The following VRK2 variants were observed in gnomAD, a reference collection of about 807,000 sequenced individuals.
VRK2 encodes serine/threonine-protein kinase VRK2.
Under a neutral mutation model 57.6 loss-of-function variants are expected in VRK2, and 60 were observed. The observed-to-expected ratio is 1.04, with a 90% CI of 0.85 to 1.29. The LOEUF (loss-of-function observed/expected upper bound fraction) is 1.29, where lower values mean the gene tolerates loss of function less well. VRK2 is among the 50% of genes most tolerant of loss of function. The pLI is 0.00. For synonymous variants in VRK2, 231 were observed against 199.2 expected (o/e 1.16, Z -1.35); for missense variants, 705 against 588.1 (o/e 1.20, Z -2.06).
chr2:57,983,997 C>G (rs911213913), intron 1 of VRK2, among the ~76,000 whole-genome samples: 5 of 152,052 alleles, frequency 3.3e-5, no homozygotes, highest in Admixed American at 1.3e-4. Flanking sequence ...CACTGGGGTT[C>G]CCATATACTT....
At position 58,131,795 on chromosome 2, in the gene VRK2, C is replaced by A. The variant is rs767549791; in HGVS notation, c.677-13C>A. On this transcript the variant is annotated splice_polypyrimidine_tract_variant and intron_variant, in intron 8 of 12. Transcript: ENST00000340157. ...TTATCCCTTATCTTTCTCTCTAATG[C>A]TTACTCCTATAGCCTTGTCCAGACG... 13 of 1,596,058 alleles carry A rather than the reference C, an allele frequency of 8.1e-6. No individual in the cohort carries two copies. The Admixed American group carries it at 1.3e-4, about 16-fold the overall frequency.
intron 8 of VRK2, among the ~76,000 whole-genome samples, chr2:58,127,150 T>A (rs73944812): frequency 0.025 from 3,879 of 152,236 alleles, 161 homozygotes; most frequent in African/African-American, 0.089. Flanking sequence ...TACTTTTTTT[T>A]AATTTTTGCC....
Position 58,088,421 on chromosome 2 carries a change from C to G in VRK2, c.425C>G (p.Thr142Ser), listed in dbSNP as rs752154121. 6.2e-7 allele frequency: 1 copy of G among 1,612,624 alleles called. No homozygotes were observed. Among genetic ancestry groups the G allele is most frequent in the African/African-American group, 1.3e-5 (1 of 74,886 alleles). Residue 142 changes from threonine (T) to serine (S), a missense_variant, in exon 6 of 13, where the codon ACT (threonine) becomes AGT (serine). By Grantham distance (58) the Thr-to-Ser change is moderately conservative (BLOSUM62 1). Coordinates refer to ENST00000340157, the MANE Select transcript of VRK2 (RefSeq NM_006296.7). ...CAGAATGGTACCTTTAAAAAGTCAA[C>G]TGTCCTGCAATTAGGTATCCGAATG... ...SGQNGTFKKS[T>S]VLQLGIRMLD...
At chr2:57,991,409 C>T (rs1397937880) in intron 1 of VRK2, among the ~76,000 whole-genome samples, 1 of 151,124 alleles carries the variant, frequency 6.6e-6, no homozygotes, top group East Asian at 1.9e-4. Flanking sequence ...GGTGGAGGCA[C>T]TGTCGTGAAG....
intron 1 of VRK2, among the ~76,000 whole-genome samples, chr2:57,950,326 C>T (rs1158135230): frequency 5.3e-5 from 8 of 152,210 alleles, no homozygotes; most frequent in Non-Finnish European, 1.0e-4. Context: ...TATGGACTAA[C>T]ACAGTTGGTG....
Position 58,146,443 on chromosome 2 carries a change from T to G in VRK2, c.1151T>G (p.Leu384Arg), listed in dbSNP as rs773870590. Residue 384 changes from leucine to arginine, a missense_variant, in exon 12 of 13, where the codon CTG becomes CGG. Coordinates refer to ENST00000340157, the MANE Select transcript of VRK2 (RefSeq NM_006296.7). The stretch of plus-strand genomic sequence containing the variant: ...TGGAAAGTGCAGAAAGAGGAGAAAC[T>G]GATTGGATTGATGAACAATGAAGCA... Reference protein sequence around the residue: ...ATWKVQKEEKLIGLMNNEAAQ... With the variant: ...ATWKVQKEEKRIGLMNNEAAQ... 2 of 1,610,950 alleles carry G rather than the reference T, an allele frequency of 1.2e-6. No homozygotes were observed. The highest frequency in any genetic ancestry group is 8.5e-7 in the Non-Finnish European group (1 of 1,177,956).
intron 1 of VRK2, among the ~76,000 whole-genome samples, chr2:57,997,887 A>C (rs1330171583): frequency 7.1e-6 from 1 of 141,794 alleles, no homozygotes; most frequent in Non-Finnish European, 1.5e-5. Flanking sequence ...TGACAGAGGA[A>C]GACACTCAAA....
chr2:58,076,997 A>G (rs1439205238), intron 2 of VRK2, among the ~76,000 whole-genome samples: 2 of 152,038 alleles, frequency 1.3e-5, no homozygotes, highest in East Asian at 1.9e-4. Context: ...CATTGATACA[A>G]TACTATTAAC....
chr2:58,057,279 A>T (rs915995664), intron 2 of VRK2, among the ~76,000 whole-genome samples: 3 of 152,198 alleles, frequency 2.0e-5, no homozygotes, highest in Non-Finnish European at 4.4e-5. Flanking sequence ...ACCTGCGTGT[A>T]AGGCACTGTA....
chr2:58,033,358 G>A (rs1218983921), exon 3 of VRK2: 1 of 152,022 alleles, frequency 6.6e-6, no homozygotes, highest in Admixed American at 6.6e-5. Context: ...TAAGAAGGAA[G>A]AAGGAGGGTT....
At chr2:57,918,554 C>T (rs1441484361) in intron 1 of VRK2, among the ~76,000 whole-genome samples, 2 of 152,020 alleles carry the variant, frequency 1.3e-5, no homozygotes, top group Non-Finnish European at 1.5e-5. Flanking sequence ...ATCTTCTTCA[C>T]TTTCTGGCCA....
At chr2:58,029,418 G>A (rs910014047) in intron 2 of VRK2, among the ~76,000 whole-genome samples, 1 of 152,028 alleles carries the variant, frequency 6.6e-6, no homozygotes, top group Non-Finnish European at 1.5e-5. Context: ...CTGCTTAGAT[G>A]GTACCATCTT....
intron 2 of VRK2, among the ~76,000 whole-genome samples, chr2:58,070,981 T>C (rs1481559619): frequency 6.6e-6 from 1 of 152,182 alleles, no homozygotes; most frequent in African/African-American, 2.4e-5. Flanking sequence ...TTTAGCATTG[T>C]CTGTGTTTTT....
In VRK2 at chr2:58,123,253, T is replaced by C. The variant is rs985886347; in HGVS notation, c.676+20T>C. ...GAGTAGGTGGGTTTCTTTTTTCTTT[T>C]TCTTATTTTTATTTCAGAAGAATGA... On this transcript the variant is annotated intron_variant, in intron 8 of 12. Transcript: ENST00000340157. The C allele has an allele frequency of 1.3e-6, 2 of 1,572,076 alleles. No homozygotes were observed. The highest frequency in any genetic ancestry group is 1.4e-5 in the African/African-American group (1 of 71,410).
At chr2:58,098,131 AAG>A (rs1202527888) in intron 7 of VRK2, among the ~76,000 whole-genome samples, 3 of 152,080 alleles carry the variant, frequency 2.0e-5, no homozygotes, top group East Asian at 3.8e-4. Context: ...AAAAATAAAA[AAG>A]AAAATAAATA....
intron 12 of VRK2, among the ~76,000 whole-genome samples, chr2:58,153,800 G>A (rs768907755): frequency 1.8e-4 from 28 of 151,854 alleles, no homozygotes; most frequent in Admixed American, 1.8e-3. Context: ...TCTTTTTCAC[G>A]TTTTGCAGAA....
chr2:57,974,905 A>C (rs1159222940), intron 1 of VRK2, among the ~76,000 whole-genome samples: 2 of 152,040 alleles, frequency 1.3e-5, no homozygotes, highest in Middle Eastern at 3.4e-3. Flanking sequence ...CAGAAACTTA[A>C]AAATTACATA....
intron 6 of VRK2, among the ~76,000 whole-genome samples, chr2:58,088,861 AATT>A (rs1318594091): frequency 1.2e-4 from 19 of 152,356 alleles, no homozygotes; most frequent in African/African-American, 4.1e-4. Flanking sequence ...TGGTGGCAAT[AATT>A]AGTTGTGACA....
intron 12 of VRK2, among the ~76,000 whole-genome samples, chr2:58,154,346 CAA>C (rs1215723462): frequency 6.6e-6 from 1 of 151,184 alleles, no homozygotes; most frequent in Non-Finnish European, 1.5e-5. Flanking sequence ...CTTTTTTTGA[CAA>C]ATATAATTGT....
Sources: allele counts gnomAD v4.1 joint callset (sites outside exome capture counted in the v4.1 genomes callset), GRCh38; gene constraint gnomAD v4.1.1; transcripts MANE v1.5; gene names NCBI Gene and HGNC (gene_info 2026-07-23, HGNC 2026-07-21).